Variants in UBE2R2 observed in about 807,000 individuals in gnomAD.
UBE2R2 encodes ubiquitin-conjugating enzyme E2 R2.
UBE2R2 carries 1 observed loss-of-function variant against 27.8 expected under a neutral mutation model. The observed-to-expected ratio is 0.04, with a 90% confidence interval of 0.01 to 0.17. UBE2R2 has a LOEUF of 0.17. UBE2R2 is among the 10% of genes least tolerant of loss of function. The pLI is 1.00. For synonymous variants in UBE2R2, 106 were observed against 113.3 expected, an observed-to-expected ratio of 0.94 and a Z score of 0.41; for missense variants, 100 against 291.0, an observed-to-expected ratio of 0.34 and a Z score of 4.78.
At chr9:33,894,436 TTATTTTTCA>T (rs977655850) in intron 2 of UBE2R2, among the ~76,000 whole-genome samples, 2 of 152,184 alleles carry the variant, frequency 1.3e-5, no homozygotes, top group African/African-American at 4.8e-5. Context: ...AGCTCATTTT[TTATTTTTCA>T]TTTATTTTTG....
chr9:33,829,302 T>C (rs2130722667), intron 1 of UBE2R2, among the ~76,000 whole-genome samples: 1 of 152,286 alleles, frequency 6.6e-6, no homozygotes. Context: ...ACTTTAACAT[T>C]AAGGGGAGGG....
At chr9:33,890,811 C>T (rs1233181636) in intron 2 of UBE2R2, among the ~76,000 whole-genome samples, 1 of 151,988 alleles carries the variant, frequency 6.6e-6, no homozygotes, top group Non-Finnish European at 1.5e-5. Flanking sequence ...CTCTGTCTTG[C>T]AGGGACGGGG....
At chr9:33,896,867 AATTTGG>A (rs1822117751) in intron 2 of UBE2R2, among the ~76,000 whole-genome samples, 1 of 151,592 alleles carries the variant, frequency 6.6e-6, no homozygotes, top group Non-Finnish European at 1.5e-5. Context: ...TGTCTGTGTC[AATTTGG>A]ATGCCTATTT....
At chr9:33,865,812 AGTTTTTTTGTGT>A (rs1465828722) in intron 1 of UBE2R2, among the ~76,000 whole-genome samples, 19 of 146,150 alleles carry the variant, frequency 1.3e-4, no homozygotes, top group Non-Finnish European at 6.0e-5. Context: ...CTCCACATTT[AGTTTTTTTGTGT>A]GTTTTTTTTT....
chr9:33,905,941 T>G (rs2130815104), intron 3 of UBE2R2, among the ~76,000 whole-genome samples: 1 of 152,294 alleles, frequency 6.6e-6, no homozygotes, highest in South Asian at 2.1e-4. Context: ...AGACCTGGAC[T>G]TCACACATCA....
chr9:33,875,443 A>G (rs975576637), intron 1 of UBE2R2, among the ~76,000 whole-genome samples: 6 of 152,166 alleles, frequency 3.9e-5, no homozygotes, highest in Non-Finnish European at 8.8e-5. Flanking sequence ...TGATTTGATG[A>G]TTTAAGATTA....
At chr9:33,839,484 C>T (rs918837013) in intron 1 of UBE2R2, among the ~76,000 whole-genome samples, 3 of 151,944 alleles carry the variant, frequency 2.0e-5, no homozygotes, top group Non-Finnish European at 4.4e-5. Flanking sequence ...GTGATCCACC[C>T]GCCTCAGCCT....
intron 1 of UBE2R2, among the ~76,000 whole-genome samples, chr9:33,851,253 C>G (rs1039350529): frequency 2.0e-5 from 3 of 152,190 alleles, no homozygotes; most frequent in African/African-American, 7.2e-5. Flanking sequence ...TTGCCAACCT[C>G]TGATAGTTTC....
At chr9:33,880,399 G>A (rs933153954) in intron 1 of UBE2R2, among the ~76,000 whole-genome samples, 2 of 151,948 alleles carry the variant, frequency 1.3e-5, no homozygotes, top group Admixed American at 6.6e-5. Flanking sequence ...GTACAGTTAC[G>A]TAATTTCCAA....
intron 1 of UBE2R2, among the ~76,000 whole-genome samples, chr9:33,833,188 C>T (rs1030152378): frequency 3.9e-5 from 6 of 152,168 alleles, no homozygotes; most frequent in African/African-American, 1.4e-4. Flanking sequence ...CCTCAGCCTC[C>T]CGAGTAGCTG....
At chr9:33,914,357 G>A (rs963296087) in intron 4 of UBE2R2, among the ~76,000 whole-genome samples, 7 of 152,136 alleles carry the variant, frequency 4.6e-5, no homozygotes, top group African/African-American at 1.7e-4. Flanking sequence ...GACATGTTAA[G>A]GGGATTACAA....
In UBE2R2 at chr9:33,844,532, T is replaced by G. The variant is rs530177421; in HGVS notation, c.177+26598T>G. ...CCACATCTATTTTTTTTTTTTTTTT[T>G]TTTTTTTACCATCAGTTGTAATGTT... On this transcript the variant is annotated intron_variant, in intron 1 of 4. Coordinates refer to ENST00000263228, the MANE Select transcript of UBE2R2 (RefSeq NM_017811.4). 2.6e-5 allele frequency among the ~76,000 whole-genome samples: 4 copies of G among 151,094 alleles called. No homozygotes were observed. The South Asian group carries it at 6.3e-4, about 24-fold the overall frequency.
intron 2 of UBE2R2, among the ~76,000 whole-genome samples, chr9:33,891,055 G>GTTTTTTTTTTTTTTGTT (rs776729663): frequency 2.4e-5 from 3 of 126,092 alleles, no homozygotes; most frequent in Non-Finnish European, 3.6e-5. Flanking sequence ...GTGTTTTTTT[G>GTTTTTTTTTTTTTTGTT]TTTTTTTTTT....
chr9:33,860,015 C>T (rs1249631537), intron 1 of UBE2R2, among the ~76,000 whole-genome samples: 1 of 151,924 alleles, frequency 6.6e-6, no homozygotes, highest in Non-Finnish European at 1.5e-5. Context: ...CTGTGTTGCC[C>T]GGATTGGTCT....
At chr9:33,895,235 G>C (rs191226768) in intron 2 of UBE2R2, among the ~76,000 whole-genome samples, 2 of 152,268 alleles carry the variant, frequency 1.3e-5, no homozygotes, top group East Asian at 3.9e-4. Flanking sequence ...TATATGACAT[G>C]AGGTAGGAGT....
intron 1 of UBE2R2, among the ~76,000 whole-genome samples, chr9:33,873,425 A>T (rs1270906423): frequency 1.3e-5 from 2 of 152,140 alleles, no homozygotes; most frequent in Non-Finnish European, 2.9e-5. Context: ...AGCATGATTA[A>T]GCAAAAGTTT....
chr9:33,894,326 A>G (rs1822052070), intron 2 of UBE2R2, among the ~76,000 whole-genome samples: 1 of 152,158 alleles, frequency 6.6e-6, no homozygotes, highest in African/African-American at 2.4e-5. Context: ...GTGGTAGCTC[A>G]TTGTGGTTTT....
At chr9:33,854,461 A>G (rs1336619405) in intron 1 of UBE2R2, among the ~76,000 whole-genome samples, 2 of 151,944 alleles carry the variant, frequency 1.3e-5, no homozygotes, top group Non-Finnish European at 2.9e-5. Context: ...CTGTGGTTAC[A>G]GGTGCCCGCC....
intron 1 of UBE2R2, among the ~76,000 whole-genome samples, chr9:33,874,894 T>C (rs1485637379): frequency 1.3e-5 from 2 of 152,166 alleles, no homozygotes; most frequent in Non-Finnish European, 2.9e-5. Flanking sequence ...TTTGAACTCC[T>C]GGGCTCAAGT....
Sources: gnomAD v4.1 joint callset for allele counts (sites outside exome capture counted in the v4.1 genomes callset) on GRCh38, gnomAD v4.1.1 for gene constraint, MANE v1.5 for transcripts, NCBI Gene and HGNC (gene_info 2026-07-23, HGNC 2026-07-21) for gene names.